Variants in STEAP3 observed in about 807,000 individuals in gnomAD.
The protein encoded by STEAP3 is metalloreductase STEAP3.
In STEAP3, 35 loss-of-function variants were observed where a neutral mutation model predicts 34.9. That is an observed-to-expected ratio of 1.00 (90% CI 0.76 to 1.33). The LOEUF is 1.33. Among genes scored for constraint, STEAP3 ranks in the 40% most tolerant of loss-of-function variants. STEAP3 has a pLI of 0.00. For synonymous variants in STEAP3, 281 were observed against 301.6 expected (o/e 0.93, Z 0.71); for missense variants, 652 against 667.6 (o/e 0.98, Z 0.26).
At chr2:119,237,994 T>G (rs1677139896) in intron 2 of STEAP3, among the ~76,000 whole-genome samples, 1 of 152,242 alleles carries the variant, frequency 6.6e-6, no homozygotes, top group African/African-American at 2.4e-5. Flanking sequence ...GTTGGATGCA[T>G]ACTTAGTTCT....
intron 4 of STEAP3, among the ~76,000 whole-genome samples, chr2:119,254,274 T>C (rs1677710309): frequency 6.6e-6 from 1 of 152,054 alleles, no homozygotes; most frequent in South Asian, 2.1e-4. Flanking sequence ...GGAGCCATGC[T>C]TAAGGGCTGT....
chr2:119,243,801 AGCCGG>A (rs1677322685), intron 2 of STEAP3, among the ~76,000 whole-genome samples: 1 of 152,234 alleles, frequency 6.6e-6, no homozygotes. Context: ...TTCATAGCAG[AGCCGG>A]GCCCAGCCTC....
Position 119,263,234 on chromosome 2 carries a change from A to G in STEAP3, c.1393A>G (p.Ser465Gly). ...AKALFLLPCI[S>G]RRLARIRRGW... ...AGCCCTGTTTCTCCTGCCCTGCATC[A>G]GCCGCAGACTCGCCAGGATCCGGAG... is the stretch of plus-strand genomic sequence containing the variant. The change falls in exon 6 of 6, where the codon AGC (serine) becomes GGC (glycine). Residue 465 changes from serine to glycine, a missense_variant. Coordinates refer to ENST00000393110, the MANE Select transcript of STEAP3 (RefSeq NM_182915.3). 6.2e-7 allele frequency: 1 copy of G among 1,614,110 alleles called. No homozygotes were observed. The highest frequency in any genetic ancestry group is 2.2e-5 in the East Asian group (1 of 44,882).
intron 5 of STEAP3, among the ~76,000 whole-genome samples, chr2:119,255,372 C>T (rs951299811): frequency 3.9e-5 from 6 of 151,990 alleles, no homozygotes; most frequent in Admixed American, 6.6e-5. Flanking sequence ...ATAGGGGATG[C>T]GACACAGCTT....
Position 119,228,519 on chromosome 2 carries a change from C to T in STEAP3, c.-393-2101C>T, listed in dbSNP as rs572203460. On this transcript the variant is annotated intron_variant, in intron 1 of 5. Transcript: ENST00000393110. Reference sequence around the variant, plus strand: ...TGACACCAGGCCCTCTGGAGATGACCCTCTGGCCCTTGGAGATGTCTCTGG... The same window carrying T: ...TGACACCAGGCCCTCTGGAGATGACTCTCTGGCCCTTGGAGATGTCTCTGG... Among the ~76,000 whole-genome samples the T allele has an allele frequency of 2.5e-4, 38 of 152,320 alleles. No individual in the cohort carries two copies. In the South Asian group the frequency reaches 2.9e-3, roughly 12 times the overall value.
chr2:119,249,030 G>A (rs1164563919), intron 4 of STEAP3: 3 of 146,976 alleles, frequency 2.0e-5, no homozygotes, highest in African/African-American at 7.6e-5. Context: ...AATGGCCCCA[G>A]GGTTTTGTGG....
At chr2:119,232,268 G>A (rs1022101241) in intron 2 of STEAP3, among the ~76,000 whole-genome samples, 3 of 152,298 alleles carry the variant, frequency 2.0e-5, no homozygotes, top group Non-Finnish European at 2.9e-5. Flanking sequence ...CAGTGGATCC[G>A]GGGCAGGCAA....
At chr2:119,241,850 G>A (rs1003490860) in intron 2 of STEAP3, among the ~76,000 whole-genome samples, 4 of 152,328 alleles carry the variant, frequency 2.6e-5, no homozygotes, top group Admixed American at 1.3e-4. Flanking sequence ...GGATCTTCTC[G>A]CCTTGCTTCA....
intron 4 of STEAP3, among the ~76,000 whole-genome samples, chr2:119,254,035 T>C (rs1185889522): frequency 6.6e-6 from 1 of 151,110 alleles, no homozygotes; most frequent in East Asian, 1.9e-4. Flanking sequence ...GCTGAGAGCT[T>C]TGGGTCGGGG....
intron 1 of STEAP3, among the ~76,000 whole-genome samples, chr2:119,224,294 G>A (rs1224572193): frequency 1.3e-5 from 2 of 152,228 alleles, no homozygotes; most frequent in Non-Finnish European, 2.9e-5. Flanking sequence ...TGTGGGCGGG[G>A]ATCTTCCAGG....
At chr2:119,250,342 C>T (rs1677585186) in intron 4 of STEAP3, among the ~76,000 whole-genome samples, 1 of 152,246 alleles carries the variant, frequency 6.6e-6, no homozygotes, top group African/African-American at 2.4e-5. Context: ...TCCTGCTCTC[C>T]AGCATCGCTG....
chr2:119,231,610 T>C (rs3769656), intron 2 of STEAP3, among the ~76,000 whole-genome samples: 1 of 152,166 alleles, frequency 6.6e-6, no homozygotes, highest in African/African-American at 2.4e-5. Context: ...CGGTAAACTC[T>C]TTTCCATCAG....
intron 5 of STEAP3, among the ~76,000 whole-genome samples, chr2:119,261,526 C>T (rs1306793945): frequency 6.6e-6 from 1 of 152,134 alleles, no homozygotes; most frequent in East Asian, 1.9e-4. Context: ...GCCACGACTC[C>T]CTCGCTCTCG....
chr2:119,248,693 A>C (rs1018004726), intron 4 of STEAP3: 1 of 154,784 alleles, frequency 6.5e-6, no homozygotes, highest in Non-Finnish European at 1.4e-5. Context: ...AGCAGCCAGG[A>C]GGCCCATGTG....
intron 5 of STEAP3, among the ~76,000 whole-genome samples, chr2:119,260,775 C>T (rs1677919589): frequency 6.6e-6 from 1 of 152,202 alleles, no homozygotes; most frequent in Admixed American, 6.5e-5. Flanking sequence ...AAGGAGTCTT[C>T]TCTTTGGGAG....
chr2:119,257,842 T>C (rs1677821195), intron 5 of STEAP3: 2 of 606,394 alleles, frequency 3.3e-6, no homozygotes, highest in African/African-American at 4.0e-5. Flanking sequence ...AGATCTGTAA[T>C]GCTTTTGTTA....
At position 119,263,636 on chromosome 2, in the gene STEAP3, A is replaced by G. The variant is rs74947577; in HGVS notation, c.*298A>G. ...ATTTAAAAACAAGTGCCGTACGTTA[A>G]GAGAAGAGCAGATCATGCTATTGTG... On this transcript the variant is annotated 3_prime_UTR_variant, in exon 6 of 6. Transcript: ENST00000393110. 2.3e-5 allele frequency: 11 copies of G among 480,582 alleles called. No individual in the cohort carries two copies. Among genetic ancestry groups the G allele is most frequent in the East Asian group, 8.5e-5 (2 of 23,440 alleles). The allele number at this position is 480,582 out of a possible 1,614,324, so 29.8% of individuals were successfully genotyped here.
At chr2:119,240,029 T>A (rs113582771) in intron 2 of STEAP3, among the ~76,000 whole-genome samples, 109 of 149,428 alleles carry the variant, frequency 7.3e-4, no homozygotes, top group Non-Finnish European at 1.4e-3. Context: ...ACAAAAAAAA[T>A]TTTTTTTAAT....
intron 5 of STEAP3, among the ~76,000 whole-genome samples, chr2:119,256,511 A>G (rs2104842587): frequency 6.6e-6 from 1 of 152,330 alleles, no homozygotes; most frequent in East Asian, 1.9e-4. Context: ...GCCATAGATT[A>G]CATGCCCTGG....
Sources: allele counts gnomAD v4.1 joint callset (sites outside exome capture counted in the v4.1 genomes callset), GRCh38; gene constraint gnomAD v4.1.1; transcripts MANE v1.5; gene names NCBI Gene and HGNC (gene_info 2026-07-23, HGNC 2026-07-21).